Variants in SPAG1 observed in about 807,000 individuals in gnomAD.
SPAG1 encodes the protein sperm-associated antigen 1.
In SPAG1, 69 loss-of-function variants were observed where a neutral mutation model predicts 100.5. That is an observed-to-expected ratio of 0.69 (90% CI 0.57 to 0.84). The LOEUF (loss-of-function observed/expected upper bound fraction) is 0.84. SPAG1 is among the 40% of genes least tolerant of loss of function. The probability of loss-of-function intolerance (pLI) is 0.00; values close to 1 mark genes in which losing one functional copy is unlikely to be tolerated. For synonymous variants in SPAG1, 336 were observed against 411.6 expected, an observed-to-expected ratio of 0.82 and a Z score of 2.22; for missense variants, 955 against 1,133.1, an observed-to-expected ratio of 0.84 and a Z score of 2.26.
chr8:100,193,613 A>C, intron 9 of SPAG1, among the ~76,000 whole-genome samples: 1 of 152,234 alleles, frequency 6.6e-6, no homozygotes, highest in East Asian at 1.9e-4. Context: ...AATTTTCAGC[A>C]TTACTCTAAA....
chr8:100,190,927 C>T (rs1816791419), intron 8 of SPAG1, among the ~76,000 whole-genome samples: 1 of 152,020 alleles, frequency 6.6e-6, no homozygotes, highest in Admixed American at 6.6e-5. Flanking sequence ...ACCTCAGGCC[C>T]CCAAATTGTT....
At chr8:100,200,896 T>C (rs991268433) in intron 10 of SPAG1, among the ~76,000 whole-genome samples, 4 of 152,322 alleles carry the variant, frequency 2.6e-5, no homozygotes, top group African/African-American at 4.8e-5. Flanking sequence ...ATTTTGTAGG[T>C]TGCCTGTTCA....
At position 100,239,417 on chromosome 8, in the gene SPAG1, G is replaced by T; in HGVS notation, c.2280+13G>T. ...TGAGATTCAAGAGGTATTTGTATTTGATTATCTTTGAAAGTACTCCTTTGG... is the reference window on the plus strand; with the variant it reads ...TGAGATTCAAGAGGTATTTGTATTTTATTATCTTTGAAAGTACTCCTTTGG... On this transcript the variant is annotated intron_variant, in intron 17 of 18. Transcript: ENST00000388798. The surrounding 1 kb of genome is among the most constrained non-coding windows in gnomAD (Gnocchi z 5.0). The T allele has an allele frequency of 1.3e-6, 2 of 1,535,644 alleles. No homozygotes were observed. The highest frequency in any genetic ancestry group is 2.2e-5 in the South Asian group (2 of 89,124).
At chr8:100,169,927 G>T (rs536581082) in intron 3 of SPAG1, among the ~76,000 whole-genome samples, 7 of 151,456 alleles carry the variant, frequency 4.6e-5, no homozygotes, top group African/African-American at 1.2e-4. Flanking sequence ...TTACCTTCTT[G>T]TCTTGATTAC....
At chr8:100,230,035 C>G (rs1341421253) in intron 14 of SPAG1, among the ~76,000 whole-genome samples, 1 of 152,180 alleles carries the variant, frequency 6.6e-6, no homozygotes, top group Non-Finnish European at 1.5e-5. Context: ...TTTACAAGAA[C>G]CTTGCAAAAC....
intron 3 of SPAG1, among the ~76,000 whole-genome samples, chr8:100,174,579 C>T (rs1261408702): frequency 6.6e-6 from 1 of 152,218 alleles, no homozygotes; most frequent in East Asian, 1.9e-4. Flanking sequence ...ACCAATCCTT[C>T]TTCCACCGTT....
chr8:100,175,284 CT>C (rs1329134913), intron 3 of SPAG1, among the ~76,000 whole-genome samples: 1,835 of 126,380 alleles, frequency 0.015, 17 homozygotes, highest in African/African-American at 0.043. Context: ...CAGTGAAGTT[CT>C]TTTTTTTTTT....
intron 12 of SPAG1, among the ~76,000 whole-genome samples, chr8:100,215,930 G>A (rs1225041930): frequency 6.6e-6 from 1 of 152,214 alleles, no homozygotes; most frequent in African/African-American, 2.4e-5. Flanking sequence ...TAAATTTGAA[G>A]TGAATAATAC....
At chr8:100,200,279 TC>T (rs1222617861) in intron 10 of SPAG1, among the ~76,000 whole-genome samples, 1 of 152,344 alleles carries the variant, frequency 6.6e-6, no homozygotes, top group African/African-American at 2.4e-5. Context: ...CATGAACTCA[TC>T]CTTTTTTATA....
intron 4 of SPAG1, among the ~76,000 whole-genome samples, 162 bp from the exon 5 acceptor site, chr8:100,183,213 G>C (rs1816441470): frequency 6.6e-6 from 1 of 152,038 alleles, no homozygotes; most frequent in Non-Finnish European, 1.5e-5. Flanking sequence ...CCTCAAGTGA[G>C]CTGTCCACCT....
intron 10 of SPAG1, among the ~76,000 whole-genome samples, chr8:100,200,814 T>C (rs532893646): frequency 1.2e-3 from 181 of 152,298 alleles, no homozygotes; most frequent in Non-Finnish European, 2.1e-3. Flanking sequence ...TTCTTGTAAA[T>C]TTGTTTGAGT....
At chr8:100,168,685 A>ACCTTTTTTTTTTTTTTTTTTTTTT (rs1815675141) in intron 3 of SPAG1, among the ~76,000 whole-genome samples, 1 of 55,378 alleles carries the variant, frequency 1.8e-5, no homozygotes, top group African/African-American at 8.9e-5. Flanking sequence ...ATGCCCAGCC[A>ACCTTTTTTTTTTTTTTTTTTTTTT]TCTTTTTTTT....
rs949786984 is a variant in SPAG1 at position 100,186,463 on chromosome 8, T to C, written c.702-657T>C. On this transcript the variant is annotated intron_variant, in intron 7 of 18. Transcript: ENST00000388798. ...TATAGGTATTTATCTTTTTCTACCT[T>C]CATTTTTTATTCCAGTAACTAAAGC... Among the ~76,000 whole-genome samples, 13 of 152,186 alleles carry C rather than the reference T, an allele frequency of 8.5e-5. 1 individual carries two copies. The highest frequency in any genetic ancestry group is 2.0e-4 in the Admixed American group (3 of 15,274).
chr8:100,233,869 G>C (rs1469522384), intron 16 of SPAG1, among the ~76,000 whole-genome samples: 1 of 152,222 alleles, frequency 6.6e-6, no homozygotes, highest in African/African-American at 2.4e-5. Flanking sequence ...AATGCTGCTG[G>C]TTCCTCCGGC....
At chr8:100,191,266 G>C in intron 8 of SPAG1, 124 bp from the exon 9 acceptor site, 1 of 625,868 alleles carries the variant, frequency 1.6e-6, no homozygotes, top group Non-Finnish European at 2.8e-6. Flanking sequence ...AAAGGGTGTA[G>C]TTGAGCTTTG....
rs999304353 is a variant in SPAG1 at position 100,172,062 on chromosome 8, T to G, written c.301-5754T>G. On this transcript the variant is annotated intron_variant, in intron 3 of 18. Coordinates refer to ENST00000388798, the MANE Select transcript of SPAG1 (RefSeq NM_003114.5). ...GGCACGTGCCACCGCGCCCAGCTAATTTTTGCATTTTTTCTATTAATGTGT... is the reference window on the plus strand; with the variant it reads ...GGCACGTGCCACCGCGCCCAGCTAAGTTTTGCATTTTTTCTATTAATGTGT... 2.0e-5 allele frequency among the ~76,000 whole-genome samples: 3 copies of G among 152,094 alleles called. No individual in the cohort carries two copies. In the East Asian group the frequency reaches 5.8e-4, roughly 30 times the overall value.
chr8:100,217,934 C>T (rs2132377197), intron 12 of SPAG1, among the ~76,000 whole-genome samples: 1 of 152,238 alleles, frequency 6.6e-6, no homozygotes, highest in East Asian at 1.9e-4. Context: ...AGGTGTGCAC[C>T]ACCTAACCCA....
chr8:100,236,699 A>G (rs1163111799), intron 16 of SPAG1, among the ~76,000 whole-genome samples: 1 of 152,202 alleles, frequency 6.6e-6, no homozygotes, highest in Non-Finnish European at 1.5e-5. Context: ...TTGTAAGAAA[A>G]GATCACTGAA....
intron 16 of SPAG1, among the ~76,000 whole-genome samples, chr8:100,238,949 A>C (rs1444769243): frequency 1.3e-5 from 2 of 152,240 alleles, no homozygotes; most frequent in Non-Finnish European, 2.9e-5. Flanking sequence ...TCAGCAAGCA[A>C]CAAGTGCTTA....
Sources: allele counts gnomAD v4.1 joint callset (sites outside exome capture counted in the v4.1 genomes callset), GRCh38; gene constraint gnomAD v4.1.1; non-coding constraint Gnocchi (gnomAD v3.1); transcripts MANE v1.5; gene names NCBI Gene and HGNC (gene_info 2026-07-23, HGNC 2026-07-21).